CD36: variants seen among roughly 807,000 people sequenced by gnomAD.
The protein encoded by CD36 is platelet glycoprotein 4.
In CD36, 119 loss-of-function variants were observed where a neutral mutation model predicts 55.2. That is an observed-to-expected ratio of 2.15 (90% CI 1.86 to 2.51). The LOEUF (loss-of-function observed/expected upper bound fraction) is 2.51. Ranked by LOEUF, CD36 falls within the 30% of genes most tolerant of loss-of-function variation. The pLI is 0.00. For synonymous variants in CD36, 186 were observed against 193.6 expected, an observed-to-expected ratio of 0.96 and a Z score of 0.33; for missense variants, 819 against 555.5, an observed-to-expected ratio of 1.47 and a Z score of -4.77.
intron 1 of CD36, among the ~76,000 whole-genome samples, chr7:80,621,699 A>G (rs1362809957): frequency 2.0e-5 from 3 of 152,342 alleles, no homozygotes; most frequent in Non-Finnish European, 4.4e-5. Flanking sequence ...TTAACTTCAT[A>G]CTAGTAACAG....
intron 9 of CD36, 154 bp downstream of exon 9, chr7:80,670,176 C>G (rs1432752756): frequency 3.3e-6 from 2 of 604,860 alleles, no homozygotes; most frequent in Non-Finnish European, 5.8e-6. Flanking sequence ...TTTAATAGTA[C>G]AAATTTTTTT....
intron 1 of CD36, among the ~76,000 whole-genome samples, chr7:80,623,274 A>G (rs1793570296): frequency 6.6e-6 from 1 of 152,088 alleles, no homozygotes; most frequent in African/African-American, 2.4e-5. Flanking sequence ...ACTCTCATAT[A>G]TACACAATAA....
At chr7:80,629,079 T>C (rs1793914530) in intron 1 of CD36, among the ~76,000 whole-genome samples, 1 of 152,038 alleles carries the variant, frequency 6.6e-6, no homozygotes, top group Admixed American at 6.6e-5. Flanking sequence ...AGATTTATTC[T>C]CCCTTCACAA....
intron 1 of CD36, among the ~76,000 whole-genome samples, chr7:80,640,641 T>C (rs1016322053): frequency 6.6e-6 from 1 of 152,000 alleles, no homozygotes; most frequent in South Asian, 2.1e-4. Flanking sequence ...GACATTAGCA[T>C]TCTTGTCTAA....
Position 80,676,368 on chromosome 7 carries a change from A to C in CD36, c.*1-16A>C, listed in dbSNP as rs1017156167. 1 of 152,142 alleles carries C rather than the reference A, an allele frequency of 6.6e-6. No individual in the cohort carries two copies. Among genetic ancestry groups the C allele is most frequent in the African/African-American group, 2.4e-5 (1 of 41,446 alleles). 9.4% of individuals were successfully genotyped at this position (152,142 alleles called of 1,614,324 possible). On this transcript the variant is annotated splice_polypyrimidine_tract_variant and intron_variant, in intron 14 of 14. Transcript: ENST00000447544. ...ATTCATCATTTCCACAACTGAATTGATTTCCGTTTCTACAGACCTGGCTCA... is the reference window on the plus strand; with the variant it reads ...ATTCATCATTTCCACAACTGAATTGCTTTCCGTTTCTACAGACCTGGCTCA...
intron 1 of CD36, among the ~76,000 whole-genome samples, chr7:80,627,906 A>G (rs2116026879): frequency 6.6e-6 from 1 of 152,130 alleles, no homozygotes; most frequent in East Asian, 1.9e-4. Flanking sequence ...ATACCTGTGA[A>G]AGGGAAGAAT....
intron 11 of CD36, among the ~76,000 whole-genome samples, chr7:80,672,320 C>CA (rs1279293058): frequency 1.3e-5 from 2 of 151,684 alleles, no homozygotes; most frequent in South Asian, 2.1e-4. Context: ...TACTTATTGT[C>CA]AAAATCTATA....
upstream of CD36, among the ~76,000 whole-genome samples, chr7:80,638,116 C>G (rs1310718393): frequency 6.6e-6 from 1 of 151,650 alleles, no homozygotes; most frequent in Non-Finnish European, 1.5e-5. Flanking sequence ...TTTTTTAAGT[C>G]AGTTTGTCAT....
intron 6 of CD36, among the ~76,000 whole-genome samples, chr7:80,663,948 A>ATACTCAT (rs3211906): frequency 0.032 from 4,942 of 152,216 alleles, 316 homozygotes; most frequent in African/African-American, 0.11. Context: ...TTTTAACTCA[A>ATACTCAT]TACTCATAGC....
chr7:80,671,156 G>A lies in CD36; in HGVS notation c.998G>A (p.Cys333Tyr), dbSNP rs369236071. ...TATGGTGTGCTAGACATCAGCAAAT[G>A]CAAAGAAGGTGAGTAAATAACCTCA... ...TSYGVLDISK[C>Y]KEGRPVYISL... The change falls in exon 10 of 15, where the codon TGC becomes TAC. Residue 333 changes from cysteine (C) to tyrosine (Y), a missense_variant. Coordinates refer to ENST00000447544, the MANE Select transcript of CD36 (RefSeq NM_001001548.3). 2.5e-6 allele frequency: 4 copies of A among 1,606,306 alleles called. No individual in the cohort carries two copies. The African/African-American group carries it at 5.4e-5, about 22-fold the overall frequency.
chr7:80,670,173 G>T, intron 9 of CD36, 151 bp downstream of exon 9: 6 of 619,508 alleles, frequency 9.7e-6, no homozygotes, highest in Non-Finnish European at 1.1e-5. Flanking sequence ...ATTTTTAATA[G>T]TACAAATTTT....
In CD36 at chr7:80,630,522, CTTA is replaced by C. The variant is rs1044124182; in HGVS notation, c.-183-15561_-183-15559del. Among the ~76,000 whole-genome samples, 199 of 152,106 alleles carry C rather than the reference CTTA, an allele frequency of 1.3e-3. 1 individual carries two copies. The highest frequency in any genetic ancestry group is 4.6e-3 in the African/African-American group (192 of 41,510). On this transcript the variant is annotated intron_variant, in intron 1 of 13. Coordinates refer to the CD36 transcript ENST00000309881. ...TTAAGAGAAAAGTCTATACTGAAAG[CTTA>C]TTATAAAAATCAATCTTTTGGGATG...
intron 1 of CD36, among the ~76,000 whole-genome samples, chr7:80,643,060 T>C (rs1396521534): frequency 6.6e-6 from 1 of 152,152 alleles, no homozygotes; most frequent in Non-Finnish European, 1.5e-5. Flanking sequence ...ATAGAAGTTA[T>C]ACTAATCAGT....
intron 1 of CD36, among the ~76,000 whole-genome samples, chr7:80,611,694 G>A (rs1761664): frequency 0.063 from 9,654 of 152,140 alleles, 688 homozygotes; most frequent in African/African-American, 0.17. Flanking sequence ...GGGGAGGGTC[G>A]AGGAGGTGAT....
intron 1 of CD36, among the ~76,000 whole-genome samples, chr7:80,644,266 A>T (rs1415362059): frequency 6.6e-6 from 1 of 152,188 alleles, no homozygotes; most frequent in Non-Finnish European, 1.5e-5. Flanking sequence ...CAATTAATAA[A>T]AAGCCAGCCC....
intron 3 of CD36, among the ~76,000 whole-genome samples, chr7:80,651,266 C>G (rs1437010387): frequency 1.3e-5 from 2 of 151,858 alleles, no homozygotes; most frequent in African/African-American, 4.8e-5. Context: ...AGCGGAGGAT[C>G]AAAAAACTAC....
intron 1 of CD36, among the ~76,000 whole-genome samples, chr7:80,619,604 A>G (rs1793344048): frequency 6.9e-6 from 1 of 145,138 alleles, no homozygotes; most frequent in Admixed American, 7.2e-5. Context: ...CCTATTTTGC[A>G]CCAGTGCACT....
At chr7:80,650,941 A>AC (rs1795561096) in intron 3 of CD36, among the ~76,000 whole-genome samples, 1 of 151,798 alleles carries the variant, frequency 6.6e-6, no homozygotes, top group Non-Finnish European at 1.5e-5. Flanking sequence ...AAAAAAAAAA[A>AC]AACTAAAAAT....
At chr7:80,674,202 T>C in intron 14 of CD36, 55 bp downstream of exon 14, 1 of 1,276,270 alleles carries the variant, frequency 7.8e-7, no homozygotes, top group Non-Finnish European at 1.1e-6. Flanking sequence ...ATATTACTTG[T>C]TTTCACTTTA....
Sources: gnomAD v4.1 joint callset for allele counts (sites outside exome capture counted in the v4.1 genomes callset) on GRCh38, gnomAD v4.1.1 for gene constraint, MANE v1.5 for transcripts, NCBI Gene and HGNC (gene_info 2026-07-23, HGNC 2026-07-21) for gene names.